The following CCDC57 variants were observed in gnomAD, a reference collection of about 807,000 sequenced individuals.
CCDC57 encodes coiled-coil domain-containing protein 57.
CCDC57 carries 118 observed loss-of-function variants against 118.9 expected under a neutral mutation model. That is an observed-to-expected ratio of 0.99 (90% CI 0.86 to 1.16). The LOEUF is 1.16. Ranked by LOEUF, CCDC57 falls within the 50% of genes most tolerant of loss-of-function variation. The probability of loss-of-function intolerance (pLI) is 0.00; values close to 1 mark genes in which losing one functional copy is unlikely to be tolerated. For missense variants in CCDC57, 1,300 were observed against 1,320.7 expected, an observed-to-expected ratio of 0.98 and a Z score of 0.24; for synonymous variants, 527 against 532.9, an observed-to-expected ratio of 0.99 and a Z score of 0.15.
chr17:82,120,180 T>TG (rs1490904228), intron 19 of CCDC57, among the ~76,000 whole-genome samples: 1 of 151,658 alleles, frequency 6.6e-6, no homozygotes, highest in Non-Finnish European at 1.5e-5. Flanking sequence ...TATTATTTTT[T>TG]TTTTGCAGAG....
At chr17:82,189,492 A>C (rs991614627) in intron 7 of CCDC57, among the ~76,000 whole-genome samples, 1 of 151,684 alleles carries the variant, frequency 6.6e-6, no homozygotes, top group African/African-American at 2.4e-5. Flanking sequence ...GGCAAGGCCA[A>C]CCCCAGCTGT....
At position 82,172,924 on chromosome 17, in the gene CCDC57, C is replaced by T; in HGVS notation, c.1507-64G>A. 1 of 1,458,688 alleles carries T rather than the reference C, an allele frequency of 6.9e-7. No homozygotes were observed. The highest frequency in any genetic ancestry group is 2.4e-5 in the East Asian group (1 of 41,844). 90.4% of individuals were successfully genotyped at this position (1,458,688 alleles called of 1,614,324 possible). A position where few individuals can be genotyped will look rare whatever the true frequency, so the allele number is the denominator to read the frequency against. On this transcript the variant is annotated intron_variant, in intron 11 of 19. Coordinates refer to ENST00000665763, the Ensembl canonical transcript of CCDC57. This position sits in a 1 kb window ranked among gnomAD's most constrained non-coding sequence, Gnocchi z 5.2. ...TGGTTCCCCAGCTTGTCCTGACAGG[C>T]TGTGCCTCCGCTCTCCCCGCGCCCC...
chr17:82,167,384 C>T (rs2044125360), intron 13 of CCDC57, among the ~76,000 whole-genome samples: 2 of 149,130 alleles, frequency 1.3e-5, no homozygotes, highest in Non-Finnish European at 1.5e-5. Flanking sequence ...GATTTTTGCT[C>T]TTGTAGCCCA....
rs376821483 is a variant in CCDC57, at chr17:82,108,100, C to T, written c.2900-6234G>A. Among the ~76,000 whole-genome samples, 5 of 152,354 alleles carry T rather than the reference C, an allele frequency of 3.3e-5. No homozygotes were observed. In the South Asian group the frequency reaches 6.2e-4, roughly 19 times the overall value. Reference sequence around the variant, plus strand: ...GTCCACGTGATGTTGGAGCAGCAAGCCTTCTCCAAGCTCAGAGTCAGAGGC... The same window carrying T: ...GTCCACGTGATGTTGGAGCAGCAAGTCTTCTCCAAGCTCAGAGTCAGAGGC... On this transcript the variant is annotated intron_variant, in intron 19 of 19. Coordinates refer to ENST00000665763, the Ensembl canonical transcript of CCDC57.
At chr17:82,191,606 AGAT>A (rs1336293271) in intron 7 of CCDC57, among the ~76,000 whole-genome samples, 8 of 152,126 alleles carry the variant, frequency 5.3e-5, no homozygotes, top group Non-Finnish European at 7.4e-5. Context: ...CTCAATGTGA[AGAT>A]GATGAGGATG....
At chr17:82,147,043 C>T (rs1333257988) in intron 16 of CCDC57, among the ~76,000 whole-genome samples, 1 of 152,176 alleles carries the variant, frequency 6.6e-6, no homozygotes, top group Non-Finnish European at 1.5e-5. Flanking sequence ...CTGAAGAAGG[C>T]AGAAAGTATC....
At chr17:82,205,019 C>T (rs1053085012) in intron 2 of CCDC57, among the ~76,000 whole-genome samples, 3 of 152,232 alleles carry the variant, frequency 2.0e-5, no homozygotes, top group Non-Finnish European at 2.9e-5. Flanking sequence ...ACGCCATCAC[C>T]CCAGTGTCGG....
intron 15 of CCDC57, chr17:82,157,336 G>A (rs1470948650): frequency 6.6e-6 from 4 of 607,342 alleles, no homozygotes; most frequent in South Asian, 9.8e-5. Flanking sequence ...CCCTCCCCAC[G>A]CAGGGAGGGC....
At chr17:82,170,639 G>A (rs1174720592) in intron 13 of CCDC57, among the ~76,000 whole-genome samples, 2 of 151,894 alleles carry the variant, frequency 1.3e-5, no homozygotes, top group Non-Finnish European at 2.9e-5. Context: ...GCCACAGAGA[G>A]GCCTCAGGAG....
rs1351502386 is a variant in CCDC57, at chr17:82,148,123, TTAGA to T, written c.2455+3433_2455+3436del. On this transcript the variant is annotated intron_variant, in intron 16 of 19. Transcript: ENST00000665763. ...GTGGGTGGGATAAGTGGTTGGATGG[TTAGA>T]TGGATGGATGGATGGATGGATGGAT... Among the ~76,000 whole-genome samples, 3 of 53,302 alleles carry T rather than the reference TTAGA, an allele frequency of 5.6e-5. No homozygotes were observed. In the South Asian group the frequency reaches 2.2e-3, roughly 40 times the overall value. 35.0% of individuals were successfully genotyped at this position (53,302 alleles called of 152,430 possible).
At chr17:82,113,621 A>G (rs890495976) in intron 19 of CCDC57, 6 of 717,352 alleles carry the variant, frequency 8.4e-6, no homozygotes, top group Non-Finnish European at 1.6e-5. Context: ...CTCCTGGTTC[A>G]TGTTTGGGTG....
At position 82,131,815 on chromosome 17, in the gene CCDC57, T is replaced by C. The variant is rs556290066; in HGVS notation, c.2577+2258A>G. Among the ~76,000 whole-genome samples the C allele has an allele frequency of 3.3e-5, 5 of 151,928 alleles. 1 individual carries two copies. The highest frequency in any genetic ancestry group is 1.2e-4 in the African/African-American group (5 of 41,444). ...GAAACACAAAGCAGTCTTGGCTCCA[T>C]AGAGTTTTCTTTTCTCAGTTTTAAG... On this transcript the variant is annotated intron_variant, in intron 17 of 19. Coordinates refer to ENST00000665763, the Ensembl canonical transcript of CCDC57.
chr17:82,108,768 C>T (rs1348627070), intron 19 of CCDC57: 1 of 152,090 alleles, frequency 6.6e-6, no homozygotes, highest in East Asian at 1.9e-4. Flanking sequence ...AGTTTCCTAC[C>T]TCTATGACCA....
Position 82,103,073 on chromosome 17 carries a change from C to T in CCDC57, c.2900-1207G>A, listed in dbSNP as rs192121023. On this transcript the variant is annotated intron_variant, in intron 19 of 19. Coordinates refer to ENST00000665763, the Ensembl canonical transcript of CCDC57. ...CCAACGCCTCCTGCTGGAGCCCAGC[C>T]TGTGTGGTCTGCGTGCAGCCTGGGT... Among the ~76,000 whole-genome samples the T allele has an allele frequency of 9.3e-3, 1,409 of 152,312 alleles. 19 individuals carry two copies. Among genetic ancestry groups the T allele is most frequent in the African/African-American group, 0.033 (1,353 of 41,570 alleles).
At chr17:82,188,142 G>A in intron 8 of CCDC57, 77 bp downstream of exon 7, 1 of 1,290,442 alleles carries the variant, frequency 7.7e-7, no homozygotes, top group Non-Finnish European at 1.0e-6. Context: ...CTGTGGTCTG[G>A]CACCAGTGGG....
chr17:82,172,536 T>C lies in CCDC57; in HGVS notation c.1729+102A>G. ...GATGTTAACTTATAGGACTCTGAAA[T>C]GAAGCCTCCTTGAAGCCAGTCAAGA... is the stretch of plus-strand genomic sequence containing the variant. On this transcript the variant is annotated intron_variant, in intron 12 of 19. Coordinates refer to ENST00000665763, the Ensembl canonical transcript of CCDC57. This position sits in a 1 kb window ranked among gnomAD's most constrained non-coding sequence, Gnocchi z 5.2. The C allele has an allele frequency of 1.0e-6, 1 of 970,076 alleles. No individual in the cohort carries two copies. The highest frequency in any genetic ancestry group is 1.4e-5 in the South Asian group (1 of 70,694). 60.1% of individuals were successfully genotyped at this position (970,076 alleles called of 1,614,324 possible).
intron 16 of CCDC57, among the ~76,000 whole-genome samples, chr17:82,143,070 G>A (rs529146070): frequency 3.3e-5 from 5 of 152,056 alleles, no homozygotes; most frequent in East Asian, 1.9e-4. Flanking sequence ...GCCGAGGCAG[G>A]AGAATTGCTT....
At chr17:82,170,525 A>AG in intron 13 of CCDC57, among the ~76,000 whole-genome samples, 1 of 149,748 alleles carries the variant, frequency 6.7e-6, no homozygotes, top group African/African-American at 2.4e-5. Context: ...AAAAAAAAAA[A>AG]GAGGAAGAGA....
chr17:82,160,824 A>C (rs12450305), intron 14 of CCDC57, among the ~76,000 whole-genome samples: 67,696 of 143,534 alleles, frequency 0.47, 16,600 homozygotes, highest in East Asian at 0.88. Flanking sequence ...CAGTCAGCCG[A>C]GATCACGCCA....
Sources: gnomAD v4.1 joint callset for allele counts (sites outside exome capture counted in the v4.1 genomes callset) on GRCh38, gnomAD v4.1.1 for gene constraint, Gnocchi (gnomAD v3.1) non-coding constraint, MANE v1.5 for transcripts, NCBI Gene and HGNC (gene_info 2026-07-23, HGNC 2026-07-21) for gene names.